ATXN2L: variants seen among roughly 807,000 people sequenced by gnomAD.
ATXN2L encodes the protein ataxin-2-like protein.
A neutral mutation model predicts 120.7 loss-of-function variants in ATXN2L; 24 were observed. The observed-to-expected ratio is 0.20, with a 90% CI of 0.14 to 0.28. ATXN2L has a LOEUF of 0.28. Ranked by LOEUF, ATXN2L falls within the 10% of genes least tolerant of loss-of-function variation. ATXN2L has a pLI of 1.00. For missense variants in ATXN2L, 1,312 were observed against 1,432.3 expected (o/e 0.92, Z 1.36); for synonymous variants, 653 against 568.1 (o/e 1.15, Z -2.13).
At position 28,835,998 on chromosome 16, in the gene ATXN2L, G is replaced by A. The variant is rs1179130172; in HGVS notation, c.2961G>A (p.Gln987=). 1 of 1,384,738 alleles carries A rather than the reference G, an allele frequency of 7.2e-7. No individual in the cohort carries two copies. The highest frequency in any genetic ancestry group is 9.7e-7 in the Non-Finnish European group (1 of 1,029,908). 85.8% of individuals were successfully genotyped at this position (1,384,738 alleles called of 1,614,324 possible). A position where few individuals can be genotyped will look rare whatever the true frequency, so the allele number is the denominator to read the frequency against. The stretch of plus-strand genomic sequence containing the variant: ...ACCCTGGGGCTCCCCACCCGCCCCA[G>A]GTGATGCTGCTGCACCCACCCCAGA... ...PPHPGAPHPP[Q]VMLLHPPQSH... Residue 987 remains glutamine, a synonymous_variant, in exon 22 of 22, where the codon CAG becomes CAA. Transcript: ENST00000336783.
chr16:28,823,613 C>T lies in ATXN2L; in HGVS notation c.299+55C>T, dbSNP rs1054517585. The T allele has an allele frequency of 1.1e-5, 14 of 1,279,158 alleles. 1 individual carries two copies. In the East Asian group the frequency reaches 1.3e-4, roughly 12 times the overall value. 79.2% of individuals were successfully genotyped at this position (1,279,158 alleles called of 1,614,324 possible). A position where few individuals can be genotyped will look rare whatever the true frequency, so the allele number is the denominator to read the frequency against. On this transcript the variant is annotated intron_variant, in intron 1 of 21. Transcript: ENST00000336783. ...CCGCGGCCACCCAGAGGCTGTGGCT[C>T]GGTTCCGGTGGGGCGGACCCCGACC...
intron 1 of ATXN2L, chr16:28,824,419 G>T (rs574120616): frequency 7.8e-7 from 1 of 1,282,208 alleles, no homozygotes. Context: ...GAGGCCTCCC[G>T]GTGGATGGCT....
In ATXN2L at chr16:28,833,099, T is replaced by C. The variant is rs1487144703; in HGVS notation, c.1700T>C (p.Phe567Ser). The change falls in exon 14 of 22, where the codon TTT becomes TCT. Residue 567 changes from phenylalanine (F) to serine (S), a missense_variant. Coordinates refer to ENST00000336783, the MANE Select transcript of ATXN2L (RefSeq NM_007245.4). The stretch of plus-strand genomic sequence containing the variant: ...TCCCCTGAGAACAGCCTGGATCCTT[T>C]TCCTCCCCGGATCTTAAAGGAGGAG... ...SSSPENSLDP[F>S]PPRILKEEPK... is the part of the protein sequence containing the mutation. 3 of 1,614,076 alleles carry C rather than the reference T, an allele frequency of 1.9e-6. No homozygotes were observed. The highest frequency in any genetic ancestry group is 2.5e-6 in the Non-Finnish European group (3 of 1,180,022).
chr16:28,823,730 C>T (rs1180564888), intron 1 of ATXN2L, 172 bp downstream of exon 1: 3 of 666,720 alleles, frequency 4.5e-6, no homozygotes. Flanking sequence ...GGAAAGGGTC[C>T]CCGGGCGGCC....
chr16:28,836,105 A>T lies in ATXN2L; in HGVS notation c.3068A>T (p.Tyr1023Phe). 1 of 1,613,836 alleles carries T rather than the reference A, an allele frequency of 6.2e-7. No individual in the cohort carries two copies. Among genetic ancestry groups the T allele is most frequent in the African/African-American group, 1.3e-5 (1 of 74,950 alleles). ...GCTTCCACACCCTCACCCTACCCCTACATCGGACACCCCCAAGGTGAGCAG... is the reference window on the plus strand; with the variant it reads ...GCTTCCACACCCTCACCCTACCCCTTCATCGGACACCCCCAAGGTGAGCAG... The part of the protein sequence containing the change: ...LSASTPSPYP[Y>F]IGHPQGEQPG... Residue 1023 changes from tyrosine to phenylalanine, a missense_variant, in exon 22 of 22, where the codon TAC (tyrosine) becomes TTC (phenylalanine). By Grantham distance (22) the Tyr-to-Phe change is conservative (BLOSUM62 3). Coordinates refer to ENST00000336783, the MANE Select transcript of ATXN2L (RefSeq NM_007245.4).
chr16:28,834,620 A>T lies in ATXN2L; in HGVS notation c.2360A>T (p.Tyr787Phe). The T allele has an allele frequency of 6.2e-7, 1 of 1,613,818 alleles. No individual in the cohort carries two copies. The highest frequency in any genetic ancestry group is 1.3e-5 in the African/African-American group (1 of 74,994). Residue 787 changes from tyrosine to phenylalanine, a missense_variant, in exon 18 of 22, where the codon TAC becomes TTC. Tyr to Phe is a conservative substitution (Grantham distance 22). Transcript: ENST00000336783. The stretch of plus-strand genomic sequence containing the variant: ...GTGGCTGCCACGCCCTATTCTTCCT[A>T]CATCCCCTACAACCCTCAGCAGTTC... ...PLVAATPYSS[Y>F]IPYNPQQFPG...
Position 28,834,575 on chromosome 16 carries a change from C to T in ATXN2L, c.2315C>T (p.Ala772Val), listed in dbSNP as rs747076514. The change falls in exon 18 of 22, where the codon GCG becomes GTG. Residue 772 changes from alanine (A) to valine (V), a missense_variant. Coordinates refer to ENST00000336783, the MANE Select transcript of ATXN2L (RefSeq NM_007245.4). ...GCCCCGCCGATGATGCAGGCCGCCG[C>T]GGCTGCTGGCCCGCCTCTGGTGGCT... ...ASAPPMMQAA[A>V]AAGPPLVAAT... 1.1e-5 allele frequency: 18 copies of T among 1,612,866 alleles called. No individual in the cohort carries two copies. Among genetic ancestry groups the T allele is most frequent in the South Asian group, 2.2e-5 (2 of 91,070 alleles).
rs573609543 is a variant in ATXN2L at position 28,835,365 on chromosome 16, C to A, written c.2651C>A (p.Pro884Gln). 3 of 1,613,320 alleles carry A rather than the reference C, an allele frequency of 1.9e-6. No individual in the cohort carries two copies. The highest frequency in any genetic ancestry group is 1.7e-5 in the Admixed American group (1 of 60,018). ...QPATTPTGSQ[P>Q]QSQHAAPSPV... ...GCTACCACGCCTACTGGAAGCCAGC[C>A]GCAGTCCCAGCATGCGGCCCCCAGT... The change falls in exon 20 of 22, where the codon CCG becomes CAG. Residue 884 changes from proline (P) to glutamine (Q), a missense_variant. Coordinates refer to ENST00000336783, the MANE Select transcript of ATXN2L (RefSeq NM_007245.4).
intron 1 of ATXN2L, 190 bp downstream of exon 1, chr16:28,823,748 C>A (rs2050466655): frequency 3.8e-6 from 2 of 523,616 alleles, no homozygotes; most frequent in Non-Finnish European, 5.8e-6. Flanking sequence ...GCCACCGGAG[C>A]ACTGAGGGGC....
At chr16:28,825,878 A>AGAG in intron 4 of ATXN2L, 37 bp downstream of exon 4, 1 of 1,566,174 alleles carries the variant, frequency 6.4e-7, no homozygotes, top group Non-Finnish European at 8.8e-7. Context: ...TTGGAGTTGC[A>AGAG]GAGTAGGAGG....
In ATXN2L at chr16:28,831,062, T is replaced by A. The variant is rs745622824; in HGVS notation, c.1311T>A (p.Pro437=). The part of the protein sequence containing the change: ...NRPSGETSVP[P]PPAVGRMYPP... ...CTTCTGGAGAAACTTCTGTTCCACC[T>A]CCTCCTGCAGGTAAAGCTTTAGTAG... Residue 437 remains proline, a synonymous_variant, in exon 10 of 22, where the codon CCT becomes CCA. Transcript: ENST00000336783. The A allele has an allele frequency of 6.2e-7, 1 of 1,604,216 alleles. No individual in the cohort carries two copies. Among genetic ancestry groups the A allele is most frequent in the Non-Finnish European group, 8.5e-7 (1 of 1,174,536 alleles).
intron 3 of ATXN2L, 42 bp downstream of exon 3, chr16:28,825,722 T>G (rs761593876): frequency 6.2e-7 from 1 of 1,613,084 alleles, no homozygotes; most frequent in South Asian, 1.1e-5. Context: ...AGGAACGTAA[T>G]GCATCTACTT....
Position 28,823,453 on chromosome 16 carries a change from C to T in ATXN2L, c.194C>T (p.Ala65Val). 2.3e-6 allele frequency: 3 copies of T among 1,328,866 alleles called. No homozygotes were observed. The highest frequency in any genetic ancestry group is 2.9e-6 in the Non-Finnish European group (3 of 1,045,464). 82.3% of individuals were successfully genotyped at this position (1,328,866 alleles called of 1,614,324 possible). A position where few individuals can be genotyped will look rare whatever the true frequency, so the allele number is the denominator to read the frequency against. ...ASPCLGPVAA[A>V]GSGLRRGAEG... ...CCCTGCCTGGGGCCTGTGGCCGCTG[C>T]CGGGAGCGGGCTCCGCCGGGGAGCC... Residue 65 changes from alanine (A) to valine (V), a missense_variant, in exon 1 of 22, where the codon GCC (alanine) becomes GTC (valine). Coordinates refer to ENST00000336783, the MANE Select transcript of ATXN2L (RefSeq NM_007245.4).
chr16:28,833,767 C>A, intron 15 of ATXN2L: 1 of 608,970 alleles, frequency 1.6e-6, no homozygotes. Context: ...TTCTTTGGTT[C>A]TTGGCATTTG....
intron 7 of ATXN2L, 153 bp downstream of exon 7, chr16:28,829,645 C>A (rs1167769629): frequency 3.9e-6 from 3 of 775,124 alleles, no homozygotes; most frequent in Non-Finnish European, 4.2e-6. Context: ...GAATTCTTCC[C>A]TCAAAGGTTT....
chr16:28,826,228 G>C lies in ATXN2L; in HGVS notation c.466-12G>C. Reference sequence around the variant, plus strand: ...AACTGACCCATGGGTGTGGGGAATGGGGTGTTTGTAGTTTGAACTAGCCGT... The same window carrying C: ...AACTGACCCATGGGTGTGGGGAATGCGGTGTTTGTAGTTTGAACTAGCCGT... On this transcript the variant is annotated splice_polypyrimidine_tract_variant and intron_variant, in intron 4 of 21. Transcript: ENST00000336783. The C allele has an allele frequency of 6.2e-7, 1 of 1,613,730 alleles. No individual in the cohort carries two copies. The highest frequency in any genetic ancestry group is 1.1e-5 in the South Asian group (1 of 91,058).
In ATXN2L at chr16:28,836,143, C is replaced by T. The variant is rs767677257; in HGVS notation, c.3106C>T (p.Pro1036Ser). ...HPQGEQPGQAPGFPGGADDRI... is the reference protein window; with the variant it reads ...HPQGEQPGQASGFPGGADDRI... ...CCAAGGTGAGCAGCCTGGCCAGGCG[C>T]CTGGATTTCCAGGAGGAGCCGATGA... The change falls in exon 22 of 22, where the codon CCT becomes TCT. Residue 1036 changes from proline to serine, a missense_variant. By Grantham distance (74) the Pro-to-Ser change is moderately conservative. Transcript: ENST00000336783. 1.2e-6 allele frequency: 2 copies of T among 1,614,138 alleles called. No individual in the cohort carries two copies. Among genetic ancestry groups the T allele is most frequent in the South Asian group, 1.1e-5 (1 of 91,090 alleles).
Position 28,824,646 on chromosome 16 carries a change from C to G in ATXN2L, c.300-720C>G, listed in dbSNP as rs1201125970. 5.2e-6 allele frequency: 6 copies of G among 1,152,180 alleles called. No homozygotes were observed. The Admixed American group carries it at 1.1e-4, about 22-fold the overall frequency. 71.4% of individuals were successfully genotyped at this position (1,152,180 alleles called of 1,614,324 possible). ...GCGTCAGGCTGCTGAAAATGATTGT[C>G]TTTTCTGTTTGGGAGGTAATGTACC... On this transcript the variant is annotated intron_variant, in intron 1 of 21. Transcript: ENST00000336783.
chr16:28,836,435 C>A lies in ATXN2L; in HGVS notation c.*170C>A. 1 of 1,613,460 alleles carries A rather than the reference C, an allele frequency of 6.2e-7. No homozygotes were observed. Among genetic ancestry groups the A allele is most frequent in the Non-Finnish European group, 8.5e-7 (1 of 1,179,948 alleles). On this transcript the variant is annotated 3_prime_UTR_variant, in exon 22 of 22. Transcript: ENST00000336783. ...GTTGTGATCCAGCAGCCCCCCTCCC[C>A]ACTGCCTCCCCAGCTCTCAGTGACC...
Sources: allele counts gnomAD v4.1 joint callset, GRCh38; gene constraint gnomAD v4.1.1; transcripts MANE v1.5; gene names NCBI Gene and HGNC (gene_info 2026-07-23, HGNC 2026-07-21).